Variants in LRFN5 observed in about 807,000 individuals in gnomAD.
The protein encoded by LRFN5 is leucine rich repeat and fibronectin type III domain containing 5.
LRFN5 carries 24 observed loss-of-function variants against 45.6 expected under a neutral mutation model. The ratio of observed to expected loss-of-function variants is 0.53; its 90% CI spans 0.38 to 0.74. The LOEUF (loss-of-function observed/expected upper bound fraction) is 0.74, where lower values mean the gene tolerates loss of function less well. Among genes scored for constraint, LRFN5 ranks in the 30% least tolerant of loss-of-function variants. The probability of loss-of-function intolerance (pLI) is 0.00; values close to 1 mark genes in which losing one functional copy is unlikely to be tolerated. For synonymous variants in LRFN5, 340 were observed against 313.8 expected, an observed-to-expected ratio of 1.08 and a Z score of -0.88; for missense variants, 776 against 861.5, an observed-to-expected ratio of 0.90 and a Z score of 1.24.
At chr14:41,642,447 A>G (rs561617457) in intron 1 of LRFN5, among the ~76,000 whole-genome samples, 1 of 152,330 alleles carries the variant, frequency 6.6e-6, no homozygotes, top group African/African-American at 2.4e-5. Flanking sequence ...ATGAGGCAGC[A>G]TATGTGAATA....
intron 1 of LRFN5, among the ~76,000 whole-genome samples, chr14:41,650,608 A>G (rs573594800): frequency 6.6e-6 from 1 of 152,332 alleles, no homozygotes; most frequent in East Asian, 1.9e-4. Context: ...GCTTTAATTC[A>G]GAAAATCCAC....
At chr14:41,881,139 G>A (rs17092296) in intron 2 of LRFN5, among the ~76,000 whole-genome samples, 3,583 of 152,084 alleles carry the variant, frequency 0.024, 148 homozygotes, top group African/African-American at 0.082. Context: ...TACTACCTTG[G>A]CAGTGATTTT....
intron 1 of LRFN5, among the ~76,000 whole-genome samples, chr14:41,712,558 T>G (rs1883329991): frequency 6.6e-6 from 1 of 152,186 alleles, no homozygotes; most frequent in Non-Finnish European, 1.5e-5. Context: ...ATTCTAAAAT[T>G]AATATGTAAA....
At chr14:41,795,458 C>A (rs1192060765) in intron 2 of LRFN5, among the ~76,000 whole-genome samples, 1 of 152,034 alleles carries the variant, frequency 6.6e-6, no homozygotes, top group African/African-American at 2.4e-5. Flanking sequence ...AATCATGCTG[C>A]TATAAAGACA....
intron 1 of LRFN5, among the ~76,000 whole-genome samples, chr14:41,617,193 A>T (rs1446633276): frequency 6.6e-6 from 1 of 152,110 alleles, no homozygotes; most frequent in Middle Eastern, 3.2e-3. Flanking sequence ...GATGATGATG[A>T]TCATCAGCAT....
chr14:41,716,287 A>G (rs1883492843), intron 1 of LRFN5, among the ~76,000 whole-genome samples: 1 of 152,120 alleles, frequency 6.6e-6, no homozygotes. Flanking sequence ...TGTTACTTAT[A>G]CAAATTTCTG....
intron 1 of LRFN5, among the ~76,000 whole-genome samples, chr14:41,754,073 T>C (rs938033068): frequency 1.3e-5 from 2 of 152,204 alleles, no homozygotes; most frequent in Non-Finnish European, 2.9e-5. Context: ...TGTTTATTGA[T>C]TTACGTATAT....
chr14:41,648,301 G>A (rs184134082), intron 1 of LRFN5, among the ~76,000 whole-genome samples: 14 of 152,072 alleles, frequency 9.2e-5, no homozygotes, highest in African/African-American at 3.1e-4. Context: ...ATTATTTCCA[G>A]ATTATTTTAT....
intron 1 of LRFN5, among the ~76,000 whole-genome samples, chr14:41,762,534 G>A (rs1456266023): frequency 6.6e-6 from 1 of 152,036 alleles, no homozygotes; most frequent in African/African-American, 2.4e-5. Flanking sequence ...AGTATTAATG[G>A]TGAGGCAAGC....
chr14:41,700,433 A>T (rs1317279068), intron 1 of LRFN5: 1 of 152,138 alleles, frequency 6.6e-6, no homozygotes, highest in African/African-American at 2.4e-5. Context: ...AGGCATGGTT[A>T]TATGAAGCGT....
chr14:41,895,732 G>A (rs966792763), intron 4 of LRFN5, among the ~76,000 whole-genome samples: 1 of 151,318 alleles, frequency 6.6e-6, no homozygotes, highest in Admixed American at 6.6e-5. Context: ...AACCATTAAA[G>A]GAGTCAGTGG....
intron 2 of LRFN5, among the ~76,000 whole-genome samples, chr14:41,793,227 C>T (rs1423955092): frequency 1.3e-5 from 2 of 151,892 alleles, no homozygotes; most frequent in Non-Finnish European, 2.9e-5. Flanking sequence ...GTTCCTCTGC[C>T]GGGGCTCCAG....
At chr14:41,846,868 G>A (rs571777819) in intron 2 of LRFN5, among the ~76,000 whole-genome samples, 6 of 152,196 alleles carry the variant, frequency 3.9e-5, no homozygotes, top group Admixed American at 3.9e-4. Context: ...AACTTCTCAT[G>A]TCACCCATAT....
intron 2 of LRFN5, among the ~76,000 whole-genome samples, chr14:41,790,472 C>A (rs768947964): frequency 2.6e-5 from 4 of 151,576 alleles, no homozygotes; most frequent in Non-Finnish European, 5.9e-5. Flanking sequence ...TCCCGTTACT[C>A]CCATAATTTA....
intron 1 of LRFN5, among the ~76,000 whole-genome samples, chr14:41,691,215 A>T (rs926949636): frequency 1.3e-5 from 2 of 152,032 alleles, no homozygotes; most frequent in Non-Finnish European, 2.9e-5. Context: ...ATTGATTTTT[A>T]AAAATCATTT....
At chr14:41,814,881 G>A (rs1186570501) in intron 2 of LRFN5, among the ~76,000 whole-genome samples, 1 of 151,954 alleles carries the variant, frequency 6.6e-6, no homozygotes, top group Non-Finnish European at 1.5e-5. Flanking sequence ...TTTAAGCTTT[G>A]GTATGAAGAA....
chr14:41,877,678 C>G (rs971248495), intron 2 of LRFN5, among the ~76,000 whole-genome samples: 4 of 151,634 alleles, frequency 2.6e-5, no homozygotes, highest in Non-Finnish European at 5.9e-5. Context: ...TTACAGGATA[C>G]TATATTAAGA....
chr14:41,608,927 A>T (rs945803416), intron 1 of LRFN5, among the ~76,000 whole-genome samples: 6 of 152,116 alleles, frequency 3.9e-5, no homozygotes, highest in Non-Finnish European at 8.8e-5. Context: ...CCAGATTGTG[A>T]AGTGTGAGTG....
At position 41,608,158 on chromosome 14, in the gene LRFN5, G is replaced by C. The variant is rs913184583; in HGVS notation, c.-601G>C. The C allele has an allele frequency of 6.6e-6, 1 of 152,628 alleles. No individual in the cohort carries two copies. Among genetic ancestry groups the C allele is most frequent in the Non-Finnish European group, 1.5e-5 (1 of 68,354 alleles). The allele number at this position is 152,628 out of a possible 1,614,324, so 9.5% of individuals were successfully genotyped here. ...TCGAAGCCAATCGTGAGAAGGACCG[G>C]TTCCCTCCGTGCTGCTTCCTCCCCG... On this transcript the variant is annotated 5_prime_UTR_variant, in exon 1 of 6. Transcript: ENST00000298119.
Sources: gnomAD v4.1 joint callset for allele counts (sites outside exome capture counted in the v4.1 genomes callset) on GRCh38, gnomAD v4.1.1 for gene constraint, MANE v1.5 for transcripts, NCBI Gene and HGNC (gene_info 2026-07-23, HGNC 2026-07-21) for gene names.